Variants in SIPA1L3 observed in about 807,000 individuals in gnomAD.
SIPA1L3 encodes signal-induced proliferation-associated 1-like protein 3.
A neutral mutation model predicts 150.1 loss-of-function variants in SIPA1L3; 59 were observed. The observed-to-expected ratio is 0.39, with a 90% CI of 0.32 to 0.49. The LOEUF is 0.49. Among genes scored for constraint, SIPA1L3 ranks in the 20% least tolerant of loss-of-function variants. The probability of loss-of-function intolerance (pLI) is 0.86; values close to 1 mark genes in which losing one functional copy is unlikely to be tolerated. For synonymous variants in SIPA1L3, 1,070 were observed against 1,077.6 expected, an observed-to-expected ratio of 0.99 and a Z score of 0.14; for missense variants, 2,211 against 2,489.5, an observed-to-expected ratio of 0.89 and a Z score of 2.38.
At chr19:38,086,166 A>G (rs960009314) in intron 3 of SIPA1L3, among the ~76,000 whole-genome samples, 5 of 152,192 alleles carry the variant, frequency 3.3e-5, no homozygotes, top group Non-Finnish European at 7.3e-5. Flanking sequence ...TTTACACTGT[A>G]TATGTATTAA....
At position 38,198,429 on chromosome 19, in the gene SIPA1L3, G is replaced by A. The variant is rs776552194; in HGVS notation, c.4881G>A (p.Arg1627=). The part of the protein sequence containing the change: ...SASELSLADG[R]DRPLRRLDPG... ...CGGAGCTCTCGCTGGCTGATGGGCG[G>A]GACCGCCCCCTGCGGCGCCTGGACC... Residue 1627 remains arginine (R), a synonymous_variant, in exon 19 of 22, where the codon CGG becomes CGA. Transcript: ENST00000222345. 1.7e-5 allele frequency: 27 copies of A among 1,595,928 alleles called. No homozygotes were observed. The highest frequency in any genetic ancestry group is 2.2e-5 in the Non-Finnish European group (26 of 1,172,440).
intron 1 of SIPA1L3, among the ~76,000 whole-genome samples, chr19:37,987,382 T>G (rs1233691148): frequency 1.3e-5 from 2 of 152,160 alleles, no homozygotes; most frequent in African/African-American, 4.8e-5. Flanking sequence ...CCAGACCCCT[T>G]GGTGATTGAC....
At chr19:37,970,968 A>G (rs1357235180) in intron 1 of SIPA1L3, among the ~76,000 whole-genome samples, 1 of 152,026 alleles carries the variant, frequency 6.6e-6, no homozygotes, top group Non-Finnish European at 1.5e-5. Flanking sequence ...ATGATTCTCC[A>G]TTATTGCCAT....
At chr19:38,156,072 ACT>A (rs923929193) in intron 13 of SIPA1L3, among the ~76,000 whole-genome samples, 55 of 151,876 alleles carry the variant, frequency 3.6e-4, no homozygotes, top group African/African-American at 1.3e-3. Context: ...CGAGAGAGAA[ACT>A]CTGTCTCAAA....
intron 9 of SIPA1L3, among the ~76,000 whole-genome samples, chr19:38,120,738 G>A (rs1970995944): frequency 6.6e-6 from 1 of 152,248 alleles, no homozygotes; most frequent in Non-Finnish European, 1.5e-5. Flanking sequence ...GACAAACCAA[G>A]AGTGGCAGAT....
intron 1 of SIPA1L3, among the ~76,000 whole-genome samples, chr19:38,019,710 G>C (rs147486176): frequency 1.4e-3 from 206 of 152,272 alleles, no homozygotes; most frequent in African/African-American, 4.7e-3. Flanking sequence ...TTCTGTGTGT[G>C]TCTGGTTGAC....
At chr19:37,954,109 G>A (rs1269532890) in intron 1 of SIPA1L3, among the ~76,000 whole-genome samples, 2 of 152,048 alleles carry the variant, frequency 1.3e-5, no homozygotes, top group Non-Finnish European at 2.9e-5. Flanking sequence ...CTACCTTATT[G>A]AGTAAAGTAC....
At chr19:38,089,514 A>G (rs1301611226) in intron 4 of SIPA1L3, among the ~76,000 whole-genome samples, 1 of 152,190 alleles carries the variant, frequency 6.6e-6, no homozygotes, top group Non-Finnish European at 1.5e-5. Flanking sequence ...TCATTTTAGG[A>G]ACATGAGGTG....
chr19:37,999,399 A>G (rs146914637), intron 1 of SIPA1L3, among the ~76,000 whole-genome samples: 1 of 152,294 alleles, frequency 6.6e-6, no homozygotes, highest in East Asian at 1.9e-4. Flanking sequence ...ACTAAATATT[A>G]ACTCCAGCCC....
At chr19:38,015,419 G>A (rs1968208835) in intron 1 of SIPA1L3, among the ~76,000 whole-genome samples, 1 of 152,214 alleles carries the variant, frequency 6.6e-6, no homozygotes, top group African/African-American at 2.4e-5. Flanking sequence ...ATTCAGGGAA[G>A]TGTGGCAAGT....
intron 13 of SIPA1L3, among the ~76,000 whole-genome samples, chr19:38,157,036 C>T (rs1971965525): frequency 6.6e-6 from 1 of 152,004 alleles, no homozygotes; most frequent in Non-Finnish European, 1.5e-5. Flanking sequence ...TGGCAGTGCG[C>T]ACCTATGGTC....
intron 9 of SIPA1L3, among the ~76,000 whole-genome samples, chr19:38,120,084 G>A (rs1194067823): frequency 6.6e-6 from 1 of 152,096 alleles, no homozygotes; most frequent in East Asian, 1.9e-4. Context: ...GAGATCTGTG[G>A]ATCTTCATGC....
chr19:37,947,293 T>C (rs1302909250), intron 1 of SIPA1L3, among the ~76,000 whole-genome samples: 3 of 151,008 alleles, frequency 2.0e-5, no homozygotes, highest in African/African-American at 7.3e-5. Flanking sequence ...ATCGAGACCA[T>C]CCTGGCTAAC....
In SIPA1L3 at chr19:38,102,980, AGCT is replaced by A. The variant is rs528860110; in HGVS notation, c.2029+1756_2029+1758del. On this transcript the variant is annotated intron_variant, in intron 6 of 21. Coordinates refer to ENST00000222345, the MANE Select transcript of SIPA1L3 (RefSeq NM_015073.3). ...TCTCTACTAAAAATACAAAAAAATT[AGCT>A]GGGCGTGGTGGTTCACGCCTATAAT... Among the ~76,000 whole-genome samples, 13 of 152,096 alleles carry A rather than the reference AGCT, an allele frequency of 8.5e-5. No homozygotes were observed. In the South Asian group the frequency reaches 1.7e-3, roughly 19 times the overall value.
chr19:38,166,298 C>CA lies in SIPA1L3; in HGVS notation c.4208+1401dup, dbSNP rs776473185. On this transcript the variant is annotated intron_variant, in intron 15 of 21. Transcript: ENST00000222345. Reference sequence around the variant, plus strand: ...GTGAAACCCCGTCTCTACTTAAATACAAAAAAAAATTAGCCAGGCATGGTA... The same window carrying CA: ...GTGAAACCCCGTCTCTACTTAAATACAAAAAAAAAATTAGCCAGGCATGGTA... Among the ~76,000 whole-genome samples, 1,354 of 150,040 alleles carry CA rather than the reference C, an allele frequency of 9.0e-3. 6 individuals are homozygous for CA. The highest frequency in any genetic ancestry group is 0.015 in the Non-Finnish European group (1,028 of 67,310).
intron 1 of SIPA1L3, among the ~76,000 whole-genome samples, chr19:38,008,852 G>A (rs944794567): frequency 6.6e-6 from 1 of 151,944 alleles, no homozygotes. Flanking sequence ...GAGCCACCAT[G>A]CCTGGCCACA....
At chr19:38,200,577 A>G (rs1202690368) in intron 19 of SIPA1L3, 1 of 152,148 alleles carries the variant, frequency 6.6e-6, no homozygotes, top group Non-Finnish European at 1.5e-5. Flanking sequence ...ATAGAAAAAA[A>G]TAGCTATAAA....
intron 1 of SIPA1L3, among the ~76,000 whole-genome samples, chr19:38,006,086 A>T (rs563287319): frequency 5.3e-5 from 8 of 152,278 alleles, no homozygotes; most frequent in African/African-American, 1.9e-4. Flanking sequence ...TGGTGGAGGA[A>T]AAAACTGGGT....
At chr19:38,020,890 C>T (rs1448056952) in intron 1 of SIPA1L3, among the ~76,000 whole-genome samples, 3 of 152,188 alleles carry the variant, frequency 2.0e-5, no homozygotes, top group African/African-American at 4.8e-5. Context: ...TCACTGCAAC[C>T]TCTGCCTCCA....
Sources: gnomAD v4.1 joint callset for allele counts (sites outside exome capture counted in the v4.1 genomes callset) on GRCh38, gnomAD v4.1.1 for gene constraint, MANE v1.5 for transcripts, NCBI Gene and HGNC (gene_info 2026-07-23, HGNC 2026-07-21) for gene names.